The following PLCH1 variants were observed in gnomAD, a reference collection of about 807,000 sequenced individuals.
The protein encoded by PLCH1 is phospholipase C eta 1, also known as 1-phosphatidylinositol 4,5-bisphosphate phosphodiesterase eta-1.
Under a neutral mutation model 126.7 loss-of-function variants are expected in PLCH1, and 60 were observed. The observed-to-expected ratio is 0.47, with a 90% CI of 0.38 to 0.59. The LOEUF is 0.59. Among genes scored for constraint, PLCH1 ranks in the 20% least tolerant of loss-of-function variants. The pLI, the probability that PLCH1 is intolerant of heterozygous loss-of-function variation, is 0.00. For missense variants in PLCH1, 1,723 were observed against 2,040.0 expected (o/e 0.84, Z 2.99); for synonymous variants, 719 against 734.9 (o/e 0.98, Z 0.35).
At chr3:155,678,523 G>A (rs545747004) in intron 2 of PLCH1, among the ~76,000 whole-genome samples, 27 of 152,266 alleles carry the variant, frequency 1.8e-4, no homozygotes, top group African/African-American at 6.5e-4. Flanking sequence ...CTCCTATGCA[G>A]CCCATTCAAA....
chr3:155,534,132 C>G (rs950083731), intron 10 of PLCH1, among the ~76,000 whole-genome samples: 5 of 147,136 alleles, frequency 3.4e-5, no homozygotes, highest in Admixed American at 1.3e-4. Flanking sequence ...AATGATAGAT[C>G]CACTGACAGC....
At chr3:155,594,370 A>G (rs1047660402) in intron 3 of PLCH1, among the ~76,000 whole-genome samples, 186 bp from the exon 4 acceptor site, 4 of 152,102 alleles carry the variant, frequency 2.6e-5, no homozygotes, top group Admixed American at 2.0e-4. Flanking sequence ...CAGGAGTTCG[A>G]GACCAGCCTG....
chr3:155,586,220 T>A (rs779531715), intron 4 of PLCH1, 26 bp from the exon 5 acceptor site: 2 of 1,609,372 alleles, frequency 1.2e-6, no homozygotes, highest in Non-Finnish European at 1.7e-6. Context: ...AGAAAACACC[T>A]GTGCTCTCAT....
At chr3:155,712,556 A>G (rs1212607621) in intron 1 of PLCH1, among the ~76,000 whole-genome samples, 5 of 103,676 alleles carry the variant, frequency 4.8e-5, no homozygotes, top group African/African-American at 9.1e-5. Flanking sequence ...TGCTAAAAAG[A>G]AAAAAAAAGG....
At chr3:155,567,224 C>T (rs929853143) in intron 7 of PLCH1, among the ~76,000 whole-genome samples, 4 of 152,092 alleles carry the variant, frequency 2.6e-5, no homozygotes, top group Non-Finnish European at 5.9e-5. Context: ...AGGCATGCGC[C>T]ACCATGCCCA....
At chr3:155,469,782 A>G (rs1369764521) in intron 21 of PLCH1, among the ~76,000 whole-genome samples, 1 of 151,996 alleles carries the variant, frequency 6.6e-6, no homozygotes, top group Non-Finnish European at 1.5e-5. Context: ...ACCCCTGAGC[A>G]GCCTAACTGG....
chr3:155,700,028 C>CTGTG (rs1224493757), intron 2 of PLCH1, among the ~76,000 whole-genome samples: 4 of 152,186 alleles, frequency 2.6e-5, no homozygotes, highest in African/African-American at 9.7e-5. Context: ...TGATGTTTGA[C>CTGTG]TACACAGAGA....
chr3:155,628,972 A>G (rs942099774), intron 2 of PLCH1, among the ~76,000 whole-genome samples: 9 of 152,230 alleles, frequency 5.9e-5, no homozygotes, highest in African/African-American at 1.7e-4. Flanking sequence ...TGCAAGCCCA[A>G]TAAAGCAAAA....
At chr3:155,578,997 C>T (rs1730332654) in intron 6 of PLCH1, among the ~76,000 whole-genome samples, 1 of 152,124 alleles carries the variant, frequency 6.6e-6, no homozygotes. Context: ...TTACTAAATT[C>T]CCCATTTACT....
intron 2 of PLCH1, among the ~76,000 whole-genome samples, chr3:155,625,473 A>G (rs1200004998): frequency 6.6e-6 from 1 of 152,230 alleles, no homozygotes; most frequent in African/African-American, 2.4e-5. Flanking sequence ...AGAATGAGAG[A>G]AAATTTTTGC....
At chr3:155,528,687 A>C (rs1371954238) in intron 10 of PLCH1, among the ~76,000 whole-genome samples, 1 of 152,216 alleles carries the variant, frequency 6.6e-6, no homozygotes, top group Non-Finnish European at 1.5e-5. Flanking sequence ...AAAGAATAAT[A>C]ATAATCCTCA....
intron 12 of PLCH1, among the ~76,000 whole-genome samples, chr3:155,512,327 G>C (rs1719689853): frequency 6.6e-6 from 1 of 152,120 alleles, no homozygotes; most frequent in East Asian, 1.9e-4. Flanking sequence ...CTAGGAACTT[G>C]GCATATACAT....
rs540157861 is a variant in PLCH1, at chr3:155,724,092, T to C, written c.-40-19828A>G. Among the ~76,000 whole-genome samples the C allele has an allele frequency of 2.0e-5, 3 of 152,326 alleles. No individual in the cohort carries two copies. In the East Asian group the frequency reaches 5.8e-4, roughly 29 times the overall value. On this transcript the variant is annotated intron_variant, in intron 1 of 22. Transcript: ENST00000460012. The stretch of plus-strand genomic sequence containing the variant: ...GAGTGGATATCCAATTTTATTCCAC[T>C]GTGGTCTGAGAGACTACTTGCTATA...
intron 2 of PLCH1, among the ~76,000 whole-genome samples, chr3:155,695,275 T>C (rs1434413664): frequency 6.6e-6 from 1 of 152,244 alleles, no homozygotes; most frequent in Non-Finnish European, 1.5e-5. Flanking sequence ...CAAGGCATTA[T>C]GCATTTGTAA....
At chr3:155,577,704 C>T (rs1455575474) in intron 6 of PLCH1, among the ~76,000 whole-genome samples, 3 of 152,144 alleles carry the variant, frequency 2.0e-5, no homozygotes, top group African/African-American at 7.2e-5. Context: ...AGAATTCTGG[C>T]TTCTGTTTTC....
chr3:155,667,719 A>C (rs1444742931), intron 2 of PLCH1, among the ~76,000 whole-genome samples: 4 of 151,906 alleles, frequency 2.6e-5, no homozygotes, highest in African/African-American at 9.7e-5. Context: ...TCACATGCCA[A>C]CTTCCCCACC....
intron 11 of PLCH1, among the ~76,000 whole-genome samples, chr3:155,519,545 G>C (rs547047751): frequency 6.6e-6 from 1 of 152,060 alleles, no homozygotes; most frequent in South Asian, 2.1e-4. Flanking sequence ...GAGAAATTGG[G>C]TGCTGCTCCT....
chr3:155,488,128 C>T (rs766017486), intron 20 of PLCH1, 21 bp from the exon 21 acceptor site: 6 of 1,535,104 alleles, frequency 3.9e-6, no homozygotes, highest in Non-Finnish European at 3.6e-6. Context: ...GAAAGAGAGT[C>T]GTTTCTTTTT....
At chr3:155,695,162 A>G (rs1745702028) in intron 2 of PLCH1, among the ~76,000 whole-genome samples, 1 of 152,178 alleles carries the variant, frequency 6.6e-6, no homozygotes, top group Admixed American at 6.5e-5. Context: ...TAAAATACAT[A>G]TGTATGTATA....
Sources: allele counts gnomAD v4.1 joint callset (sites outside exome capture counted in the v4.1 genomes callset), GRCh38; gene constraint gnomAD v4.1.1; transcripts MANE v1.5; gene names NCBI Gene and HGNC (gene_info 2026-07-23, HGNC 2026-07-21).